The following CDKAL1 variants were observed in gnomAD, a reference collection of about 807,000 sequenced individuals.
The protein encoded by CDKAL1 is threonylcarbamoyladenosine tRNA methylthiotransferase.
Under a neutral mutation model 68.2 loss-of-function variants are expected in CDKAL1, and 32 were observed. That is an observed-to-expected ratio of 0.47 (90% CI 0.35 to 0.63). The LOEUF (loss-of-function observed/expected upper bound fraction) is 0.63, where lower values mean the gene tolerates loss of function less well. CDKAL1 is among the 30% of genes least tolerant of loss of function. The pLI, the probability that CDKAL1 is intolerant of heterozygous loss-of-function variation, is 0.00. For missense variants in CDKAL1, 606 were observed against 696.7 expected (o/e 0.87, Z 1.47); for synonymous variants, 234 against 244.3 (o/e 0.96, Z 0.39).
intron 5 of CDKAL1, among the ~76,000 whole-genome samples, chr6:20,660,363 TATC>T (rs1297500243): frequency 6.6e-6 from 1 of 152,186 alleles, no homozygotes; most frequent in Non-Finnish European, 1.5e-5. Context: ...GGGAAACAGA[TATC>T]ATTAATAGAC....
chr6:20,665,338 G>GA (rs1008547411), intron 5 of CDKAL1, among the ~76,000 whole-genome samples: 2 of 147,790 alleles, frequency 1.4e-5, no homozygotes, highest in Non-Finnish European at 3.1e-5. Flanking sequence ...AGGAAAAAAA[G>GA]AAAAAATTGT....
intron 4 of CDKAL1, chr6:20,559,623 A>G (rs937293709): frequency 2.6e-5 from 4 of 152,228 alleles, no homozygotes; most frequent in African/African-American, 9.6e-5. Flanking sequence ...ATACTTCAAA[A>G]TTCAAGTGTA....
chr6:20,721,856 C>T (rs1021462621), intron 5 of CDKAL1, among the ~76,000 whole-genome samples: 3 of 151,624 alleles, frequency 2.0e-5, no homozygotes, highest in Non-Finnish European at 4.4e-5. Flanking sequence ...CCTCAGCCTC[C>T]CGAGTAGCTG....
intron 11 of CDKAL1, among the ~76,000 whole-genome samples, chr6:21,033,378 G>C (rs530907755): frequency 6.6e-6 from 1 of 152,120 alleles, no homozygotes; most frequent in Non-Finnish European, 1.5e-5. Flanking sequence ...ATAAAGGATG[G>C]AACAGATGAG....
At chr6:20,646,312 C>A (rs1768458127) in intron 4 of CDKAL1, among the ~76,000 whole-genome samples, 1 of 151,708 alleles carries the variant, frequency 6.6e-6, no homozygotes, top group Admixed American at 6.6e-5. Flanking sequence ...ACCTCGGCCT[C>A]CCAAAGTGCT....
chr6:20,951,962 T>C (rs1300732466), intron 9 of CDKAL1, among the ~76,000 whole-genome samples: 3 of 144,440 alleles, frequency 2.1e-5, no homozygotes, highest in Admixed American at 1.4e-4. Flanking sequence ...ATTTTCTTTT[T>C]TTTTTTTTTT....
intron 11 of CDKAL1, among the ~76,000 whole-genome samples, chr6:21,027,051 T>C (rs1484297052): frequency 6.6e-6 from 1 of 152,110 alleles, no homozygotes; most frequent in East Asian, 1.9e-4. Flanking sequence ...ATAATAGCTT[T>C]GGCATTCCTT....
chr6:21,177,664 C>CTTT (rs1206776350), intron 13 of CDKAL1, among the ~76,000 whole-genome samples: 1 of 138,418 alleles, frequency 7.2e-6, no homozygotes, highest in African/African-American at 2.6e-5. Context: ...TTCCTCTGAT[C>CTTT]TTTTTTTTTT....
At chr6:20,884,322 A>G (rs1247646183) in intron 9 of CDKAL1, among the ~76,000 whole-genome samples, 1 of 152,052 alleles carries the variant, frequency 6.6e-6, no homozygotes, top group African/African-American at 2.4e-5. Flanking sequence ...CAAAAACACT[A>G]AAAAAACCCT....
At chr6:20,620,847 A>G (rs764001173) in intron 4 of CDKAL1, among the ~76,000 whole-genome samples, 17 of 152,114 alleles carry the variant, frequency 1.1e-4, no homozygotes, top group Non-Finnish European at 2.1e-4. Context: ...AGCTTCTCCT[A>G]TTATTTACAT....
chr6:20,959,025 G>A (rs1307185231), intron 10 of CDKAL1, among the ~76,000 whole-genome samples: 1 of 152,144 alleles, frequency 6.6e-6, no homozygotes, highest in Admixed American at 6.5e-5. Flanking sequence ...ATCTCCATAG[G>A]AATAGAGGAT....
At chr6:20,937,989 G>A (rs1209624465) in intron 9 of CDKAL1, among the ~76,000 whole-genome samples, 2 of 151,780 alleles carry the variant, frequency 1.3e-5, no homozygotes, top group East Asian at 3.9e-4. Flanking sequence ...ATTATTACTT[G>A]TGGTGTTTGC....
At chr6:20,647,759 A>G (rs1768545718) in intron 4 of CDKAL1, among the ~76,000 whole-genome samples, 1 of 152,116 alleles carries the variant, frequency 6.6e-6, no homozygotes, top group Admixed American at 6.5e-5. Context: ...TAATTGATTT[A>G]TGTTTTATAT....
At chr6:21,021,172 A>G (rs1768640226) in intron 11 of CDKAL1, among the ~76,000 whole-genome samples, 2 of 152,222 alleles carry the variant, frequency 1.3e-5, no homozygotes, top group Admixed American at 1.3e-4. Context: ...ACTAAATCCT[A>G]TCTTTGTGGT....
intron 9 of CDKAL1, among the ~76,000 whole-genome samples, chr6:20,952,064 T>C (rs1199755851): frequency 6.6e-6 from 1 of 150,488 alleles, no homozygotes; most frequent in Non-Finnish European, 1.5e-5. Context: ...GTTCACACCA[T>C]TCTTCTGCCT....
intron 13 of CDKAL1, among the ~76,000 whole-genome samples, chr6:21,118,375 G>C (rs1459459318): frequency 6.6e-6 from 1 of 152,120 alleles, no homozygotes. Flanking sequence ...TGCAGACTGG[G>C]CTCCCCAGGT....
intron 9 of CDKAL1, among the ~76,000 whole-genome samples, chr6:20,881,774 G>T (rs531985839): frequency 2.3e-4 from 35 of 151,788 alleles, no homozygotes; most frequent in South Asian, 1.3e-3. Context: ...TTGTTTTTAT[G>T]CAGTCTCAAA....
intron 8 of CDKAL1, among the ~76,000 whole-genome samples, chr6:20,810,835 G>A (rs992413143): frequency 4.6e-5 from 7 of 151,530 alleles, no homozygotes; most frequent in Non-Finnish European, 4.4e-5. Flanking sequence ...TTGTTCATTC[G>A]CCCTCTTTAT....
intron 5 of CDKAL1, among the ~76,000 whole-genome samples, chr6:20,725,149 C>T (rs780919925): frequency 6.7e-6 from 1 of 148,628 alleles, no homozygotes; most frequent in Non-Finnish European, 1.5e-5. Context: ...TTTCTTTTCT[C>T]TCTTTCTCCC....
Sources: allele counts gnomAD v4.1 joint callset (sites outside exome capture counted in the v4.1 genomes callset), GRCh38; gene constraint gnomAD v4.1.1; transcripts MANE v1.5; gene names NCBI Gene and HGNC (gene_info 2026-07-23, HGNC 2026-07-21).